Variants in ADAMTSL1 observed in about 807,000 individuals in gnomAD.
The protein encoded by ADAMTSL1 is ADAMTS like 1.
ADAMTSL1 carries 126 observed loss-of-function variants against 201.8 expected under a neutral mutation model. The observed-to-expected ratio is 0.62, with a 90% CI of 0.54 to 0.72. The LOEUF is 0.72. Among genes scored for constraint, ADAMTSL1 ranks in the 30% least tolerant of loss-of-function variants. The pLI is 0.00. For synonymous variants in ADAMTSL1, 1,121 were observed against 903.4 expected, an observed-to-expected ratio of 1.24 and a Z score of -4.32; for missense variants, 2,679 against 2,277.8, an observed-to-expected ratio of 1.18 and a Z score of -3.59.
At chr9:18,539,302 G>A (rs1296502238) in intron 3 of ADAMTSL1, among the ~76,000 whole-genome samples, 5 of 152,168 alleles carry the variant, frequency 3.3e-5, no homozygotes, top group Admixed American at 3.3e-4. Context: ...GGAAGTCAGA[G>A]GCTAGGAGAA....
At chr9:18,522,325 T>C (rs868143351) in intron 2 of ADAMTSL1, among the ~76,000 whole-genome samples, 7 of 152,184 alleles carry the variant, frequency 4.6e-5, no homozygotes, top group Admixed American at 3.9e-4. Flanking sequence ...ATAATAACAA[T>C]GTATCTGCAG....
chr9:18,618,980 A>G (rs1825865518), intron 4 of ADAMTSL1, among the ~76,000 whole-genome samples: 1 of 152,212 alleles, frequency 6.6e-6, no homozygotes, highest in African/African-American at 2.4e-5. Flanking sequence ...AGAAACGGCT[A>G]TGGAAACATA....
chr9:18,314,635 C>G (rs1008088434), intron 2 of ADAMTSL1, among the ~76,000 whole-genome samples: 13 of 151,882 alleles, frequency 8.6e-5, no homozygotes, highest in African/African-American at 3.1e-4. Context: ...AAGCTGCAGA[C>G]CTTTGCGGTG....
intron 1 of ADAMTSL1, among the ~76,000 whole-genome samples, chr9:18,082,879 A>G (rs149644495): frequency 2.5e-3 from 377 of 152,308 alleles, no homozygotes; most frequent in African/African-American, 8.6e-3. Context: ...ACATGAGAAC[A>G]TTATGAGAAG....
intron 2 of ADAMTSL1, among the ~76,000 whole-genome samples, chr9:18,342,291 A>G (rs1442924244): frequency 6.6e-6 from 1 of 152,158 alleles, no homozygotes; most frequent in Non-Finnish European, 1.5e-5. Flanking sequence ...GTTTTAAAAA[A>G]TATTTAGACA....
chr9:18,529,298 T>C (rs1050303628), intron 2 of ADAMTSL1, among the ~76,000 whole-genome samples: 1 of 152,212 alleles, frequency 6.6e-6, no homozygotes, highest in Non-Finnish European at 1.5e-5. Context: ...TATAAACTGA[T>C]ATAATAACAA....
At chr9:18,424,859 G>A (rs932072333) in intron 2 of ADAMTSL1, among the ~76,000 whole-genome samples, 11 of 152,206 alleles carry the variant, frequency 7.2e-5, no homozygotes, top group East Asian at 1.9e-4. Context: ...CTGTTATGGC[G>A]TTTGAAATGT....
At chr9:18,151,263 G>T (rs1364627650) in intron 1 of ADAMTSL1, among the ~76,000 whole-genome samples, 1 of 152,008 alleles carries the variant, frequency 6.6e-6, no homozygotes, top group East Asian at 1.9e-4. Context: ...ACTGTAATGT[G>T]GGGGGAGTAA....
At chr9:18,395,276 A>C (rs542672077) in intron 2 of ADAMTSL1, among the ~76,000 whole-genome samples, 1 of 152,166 alleles carries the variant, frequency 6.6e-6, no homozygotes, top group Non-Finnish European at 1.5e-5. Flanking sequence ...AAAAAGAATC[A>C]TGTGTTTGAC....
intron 5 of ADAMTSL1, among the ~76,000 whole-genome samples, chr9:18,630,027 T>C (rs1826650294): frequency 6.6e-6 from 1 of 152,200 alleles, no homozygotes; most frequent in Non-Finnish European, 1.5e-5. Flanking sequence ...ATTTTTTGAC[T>C]TGATGCCAGA....
At chr9:18,647,482 G>T (rs1167601426) in intron 7 of ADAMTSL1, among the ~76,000 whole-genome samples, 3 of 152,090 alleles carry the variant, frequency 2.0e-5, no homozygotes, top group South Asian at 4.2e-4. Flanking sequence ...TGATATTAGG[G>T]TGTCAATTTT....
intron 3 of ADAMTSL1, among the ~76,000 whole-genome samples, chr9:18,569,392 C>T (rs1410212568): frequency 6.6e-6 from 1 of 152,220 alleles, no homozygotes; most frequent in African/African-American, 2.4e-5. Flanking sequence ...TGGCTAAATA[C>T]AGTAATTCGT....
chr9:17,931,357 AT>A (rs1826778209), intron 1 of ADAMTSL1, among the ~76,000 whole-genome samples: 1 of 112,246 alleles, frequency 8.9e-6, no homozygotes, highest in Non-Finnish European at 2.2e-5. Flanking sequence ...GGGCTGCTGA[AT>A]TCTTTCTATT....
intron 1 of ADAMTSL1, among the ~76,000 whole-genome samples, chr9:17,928,274 C>T (rs933176161): frequency 6.6e-6 from 1 of 152,142 alleles, no homozygotes; most frequent in Non-Finnish European, 1.5e-5. Flanking sequence ...GCTGGGATTA[C>T]AGATGTTAGC....
chr9:18,769,827 C>T (rs1465081445), intron 16 of ADAMTSL1, among the ~76,000 whole-genome samples: 2 of 152,118 alleles, frequency 1.3e-5, no homozygotes, highest in African/African-American at 4.8e-5. Context: ...ATGTGGTATG[C>T]CCAGTGAAAA....
At chr9:18,175,786 T>C (rs1828119843) in intron 2 of ADAMTSL1, among the ~76,000 whole-genome samples, 1 of 152,006 alleles carries the variant, frequency 6.6e-6, no homozygotes, top group Admixed American at 6.6e-5. Flanking sequence ...CTATCTTTGC[T>C]CATGGAACCA....
intron 1 of ADAMTSL1, among the ~76,000 whole-genome samples, chr9:17,929,669 A>C (rs979081757): frequency 9.2e-5 from 14 of 152,056 alleles, no homozygotes; most frequent in Admixed American, 9.2e-4. Context: ...CTTTGCCTGG[A>C]GGTCTCTTTC....
intron 23 of ADAMTSL1, among the ~76,000 whole-genome samples, chr9:18,840,975 T>C (rs1351840332): frequency 6.8e-6 from 1 of 147,994 alleles, no homozygotes; most frequent in Admixed American, 6.8e-5. Flanking sequence ...AATCATGTCA[T>C]CTGCAAACAG....
chr9:18,865,948 G>C (rs1188191918), intron 23 of ADAMTSL1, among the ~76,000 whole-genome samples: 2 of 151,960 alleles, frequency 1.3e-5, no homozygotes, highest in Admixed American at 1.3e-4. Context: ...ACAGAAAAGA[G>C]AGATGCTAGC....
Sources: allele counts gnomAD v4.1 joint callset (sites outside exome capture counted in the v4.1 genomes callset), GRCh38; gene constraint gnomAD v4.1.1; transcripts MANE v1.5; gene names NCBI Gene and HGNC (gene_info 2026-07-23, HGNC 2026-07-21).